The following KY variants were observed in gnomAD, a reference collection of about 807,000 sequenced individuals.
The protein encoded by KY is kyphoscoliosis peptidase.
In KY, 43 loss-of-function variants were observed where a neutral mutation model predicts 76.1. The ratio of observed to expected loss-of-function variants is 0.57; its 90% CI spans 0.44 to 0.73. The LOEUF (loss-of-function observed/expected upper bound fraction) is 0.73. Ranked by LOEUF, KY falls within the 30% of genes least tolerant of loss-of-function variation. The probability of loss-of-function intolerance (pLI) is 0.00; values close to 1 mark genes in which losing one functional copy is unlikely to be tolerated. For synonymous variants in KY, 277 were observed against 326.2 expected, an observed-to-expected ratio of 0.85 and a Z score of 1.63; for missense variants, 722 against 828.9, an observed-to-expected ratio of 0.87 and a Z score of 1.58.
intron 1 of KY, among the ~76,000 whole-genome samples, 165 bp downstream of exon 1, chr3:134,650,660 G>A (rs568730362): frequency 8.0e-4 from 122 of 152,288 alleles, no homozygotes; most frequent in Non-Finnish European, 1.3e-3. Flanking sequence ...GCGTTGCCAC[G>A]GGACGCCGGT....
intron 10 of KY, chr3:134,607,432 CTGTGCTAATAGTCAGTG>C: frequency 1.2e-5 from 12 of 985,642 alleles, no homozygotes; most frequent in Non-Finnish European, 1.4e-5. Flanking sequence ...CACAGGCACC[CTGTGCTAATAGTCAGTG>C]TGAGCTCAGA....
chr3:134,620,986 C>A (rs1962523668), intron 6 of KY, 129 bp from the exon 7 acceptor site: 2 of 645,920 alleles, frequency 3.1e-6, no homozygotes, highest in East Asian at 2.8e-5. Flanking sequence ...TCCTGAGGGG[C>A]AAAGGCTGGC....
intron 8 of KY, among the ~76,000 whole-genome samples, 193 bp downstream of exon 8, chr3:134,618,955 G>A (rs1048282342): frequency 2.0e-5 from 3 of 152,158 alleles, no homozygotes; most frequent in Admixed American, 6.5e-5. Context: ...CGCGAAGCCC[G>A]GCAGATGGTA....
intron 10 of KY, 95 bp from the exon 11 acceptor site, chr3:134,604,569 C>T (rs1271031929): frequency 3.7e-6 from 4 of 1,093,486 alleles, no homozygotes; most frequent in Non-Finnish European, 5.3e-6. Context: ...AGAAAAACGT[C>T]CTGACTTATA....
At position 134,612,751 on chromosome 3, in the gene KY, C is replaced by CTGTGTGTGTGTGTGTG. The variant is rs35084772; in HGVS notation, c.711-2384_711-2369dup. On this transcript the variant is annotated intron_variant, in intron 8 of 10. Transcript: ENST00000423778. ...CAGTCAGCACAATGTCACGCCGATG[C>CTGTGTGTGTGTGTGTG]TGTGTGTGTGTGTGTGTGTGTGTGT... Among the ~76,000 whole-genome samples the CTGTGTGTGTGTGTGTG allele has an allele frequency of 8.0e-4, 100 of 125,482 alleles. 2 individuals are homozygous for CTGTGTGTGTGTGTGTG. In the East Asian group the frequency reaches 9.0e-3, roughly 11 times the overall value. The allele number at this position is 125,482 out of a possible 152,430, so 82.3% of individuals were successfully genotyped here. A position where few individuals can be genotyped will look rare whatever the true frequency, so the allele number is the denominator to read the frequency against.
chr3:134,621,037 C>T lies in KY; in HGVS notation c.484-180G>A, dbSNP rs115208020. ...AGGAGGTGGGGGAAGTTGGACAGGGCAGGTGGTGCTGACCAGCTCAATCAC... is the reference window on the plus strand; with the variant it reads ...AGGAGGTGGGGGAAGTTGGACAGGGTAGGTGGTGCTGACCAGCTCAATCAC... On this transcript the variant is annotated intron_variant, in intron 6 of 10. Coordinates refer to ENST00000423778, the MANE Select transcript of KY (RefSeq NM_178554.6). Among the ~76,000 whole-genome samples, 2,492 of 152,258 alleles carry T rather than the reference C, an allele frequency of 0.016. 21 individuals are homozygous for T. Among genetic ancestry groups the T allele is most frequent in the Middle Eastern group, 0.027 (8 of 294 alleles).
chr3:134,604,413 G>T lies in KY; in HGVS notation c.1152C>A (p.Leu384=). ...SCAPTLFMFM[L]NGKQEHGLLS... ...GCAGCCCATGCTCTTGCTTGCCATT[G>T]AGCATGAACATGAACAGCGTCGGGG... Residue 384 remains leucine, a synonymous_variant, in exon 11 of 11, where the codon CTC becomes CTA. Coordinates refer to ENST00000423778, the MANE Select transcript of KY (RefSeq NM_178554.6). The T allele has an allele frequency of 6.2e-7, 1 of 1,613,966 alleles. No individual in the cohort carries two copies. The highest frequency in any genetic ancestry group is 8.5e-7 in the Non-Finnish European group (1 of 1,179,876).
chr3:134,608,204 G>A, intron 10 of KY: 1 of 1,184,392 alleles, frequency 8.4e-7, no homozygotes, highest in South Asian at 1.6e-5. Flanking sequence ...AACACAGCAG[G>A]CCAGTAGCTT....
At chr3:134,612,796 T>TGTGTGTGTGTGTGTG (rs1553807340) in intron 8 of KY, among the ~76,000 whole-genome samples, 1 of 148,974 alleles carries the variant, frequency 6.7e-6, no homozygotes. Flanking sequence ...TGTGTGTGTG[T>TGTGTGTGTGTGTGTG]TGCCTGCATG....
At chr3:134,625,774 C>A (rs1963363280) in intron 5 of KY, among the ~76,000 whole-genome samples, 1 of 152,250 alleles carries the variant, frequency 6.6e-6, no homozygotes, top group African/African-American at 2.4e-5. Flanking sequence ...GGTAACAGGG[C>A]CCTGAGAAAG....
intron 2 of KY, among the ~76,000 whole-genome samples, chr3:134,645,399 C>A (rs960183779): frequency 6.6e-6 from 1 of 152,242 alleles, no homozygotes; most frequent in Middle Eastern, 3.2e-3. Context: ...GTGCACTCCA[C>A]CAGCACATGC....
intron 9 of KY, among the ~76,000 whole-genome samples, chr3:134,609,829 CCTGGTAATGTGGT>C (rs1960036220): frequency 6.6e-6 from 1 of 152,192 alleles, no homozygotes; most frequent in Admixed American, 6.5e-5. Flanking sequence ...GGCATTTGTG[CCTGGTAATGTGGT>C]CAATGGCCAA....
At chr3:134,633,759 TAAGAC>T (rs1331873155) in intron 3 of KY, among the ~76,000 whole-genome samples, 4 of 152,044 alleles carry the variant, frequency 2.6e-5, no homozygotes, top group Admixed American at 6.5e-5. Context: ...CCCTGTGTAA[TAAGAC>T]AAGAAAGAGA....
chr3:134,620,603 T>A lies in KY; in HGVS notation c.592+146A>T, dbSNP rs1484744646. On this transcript the variant is annotated intron_variant, in intron 7 of 10. Transcript: ENST00000423778. The stretch of plus-strand genomic sequence containing the variant: ...GGTGAATTTTATCCTCCTTGGTTAC[T>A]CTCTGGTTCATCAGTCCAGTCTTCT... 6 of 624,392 alleles carry A rather than the reference T, an allele frequency of 9.6e-6. No individual in the cohort carries two copies. In the East Asian group the frequency reaches 1.4e-4, roughly 14 times the overall value. 38.7% of individuals were successfully genotyped at this position (624,392 alleles called of 1,614,324 possible). A position where few individuals can be genotyped will look rare whatever the true frequency, so the allele number is the denominator to read the frequency against.
intron 3 of KY, 91 bp from the exon 4 acceptor site, chr3:134,629,786 A>C (rs888987787): frequency 2.5e-6 from 2 of 796,740 alleles, no homozygotes; most frequent in Non-Finnish European, 4.3e-6. Context: ...AAAAACAATT[A>C]GTTTTAGAAC....
intron 1 of KY, among the ~76,000 whole-genome samples, chr3:134,650,611 C>G (rs939173829): frequency 4.6e-5 from 7 of 152,214 alleles, no homozygotes; most frequent in African/African-American, 1.7e-4. Flanking sequence ...GGGAGTGAAA[C>G]TGGGGCAATC....
Position 134,600,746 on chromosome 3 carries a change from T to G in KY, c.*2833A>C, listed in dbSNP as rs1958928110. 1 of 152,262 alleles carries G rather than the reference T, an allele frequency of 6.6e-6. No individual in the cohort carries two copies. The highest frequency in any genetic ancestry group is 2.4e-5 in the African/African-American group (1 of 41,438). The allele number at this position is 152,262 out of a possible 1,614,324, so 9.4% of individuals were successfully genotyped here. A position where few individuals can be genotyped will look rare whatever the true frequency, so the allele number is the denominator to read the frequency against. On this transcript the variant is annotated 3_prime_UTR_variant, in exon 11 of 11. Transcript: ENST00000423778. ...CTGTTCCATCCAGTCCTATGTCAAG[T>G]GCTTCTGTTTCAAGAAGTTATTTCC...
intron 9 of KY, among the ~76,000 whole-genome samples, chr3:134,609,436 T>C (rs914522472): frequency 3.3e-5 from 5 of 152,160 alleles, no homozygotes; most frequent in African/African-American, 1.2e-4. Context: ...ACGCGAGCCC[T>C]GCGTGTAGGA....
At chr3:134,605,009 C>T (rs1292330247) in intron 10 of KY, among the ~76,000 whole-genome samples, 4 of 152,134 alleles carry the variant, frequency 2.6e-5, no homozygotes, top group Admixed American at 6.5e-5. Flanking sequence ...TCCCTGATCC[C>T]CACCTCCCCC....
Sources: allele counts gnomAD v4.1 joint callset (sites outside exome capture counted in the v4.1 genomes callset), GRCh38; gene constraint gnomAD v4.1.1; transcripts MANE v1.5; gene names NCBI Gene and HGNC (gene_info 2026-07-23, HGNC 2026-07-21).